Variants in STPG2 observed in about 807,000 individuals in gnomAD.
STPG2 encodes the protein sperm tail PG-rich repeat containing 2, also known as sperm-tail PG-rich repeat-containing protein 2.
STPG2 carries 56 observed loss-of-function variants against 54.2 expected under a neutral mutation model. The observed-to-expected ratio is 1.03, with a 90% CI of 0.83 to 1.29. The LOEUF (loss-of-function observed/expected upper bound fraction) is 1.29, where lower values mean the gene tolerates loss of function less well. Ranked by LOEUF, STPG2 falls within the 50% of genes most tolerant of loss-of-function variation. The pLI is 0.00. For missense variants in STPG2, 596 were observed against 544.9 expected (o/e 1.09, Z -0.93); for synonymous variants, 200 against 181.8 (o/e 1.10, Z -0.81).
chr4:97,879,435 A>C (rs900960842), intron 8 of STPG2, among the ~76,000 whole-genome samples: 1 of 152,100 alleles, frequency 6.6e-6, no homozygotes, highest in Admixed American at 6.5e-5. Flanking sequence ...GGGAGGCCTC[A>C]CAATCATGCT....
intron 4 of STPG2, among the ~76,000 whole-genome samples, chr4:97,541,175 A>T (rs370753164): frequency 3.9e-4 from 59 of 152,282 alleles, no homozygotes; most frequent in Admixed American, 2.4e-3. Flanking sequence ...AGAGGAAGTC[A>T]AATTGTCCCT....
chr4:98,105,388 T>A (rs1395119968), intron 5 of STPG2, among the ~76,000 whole-genome samples: 1 of 152,170 alleles, frequency 6.6e-6, no homozygotes, highest in Non-Finnish European at 1.5e-5. Context: ...AAGGACCCAC[T>A]TGTGTCCTTG....
chr4:97,540,164 C>A (rs1019202098), intron 4 of STPG2, among the ~76,000 whole-genome samples: 5 of 151,972 alleles, frequency 3.3e-5, no homozygotes, highest in African/African-American at 1.2e-4. Flanking sequence ...AAAAACCCTT[C>A]AAAAAATCAA....
intron 3 of STPG2, among the ~76,000 whole-genome samples, chr4:98,115,448 C>CT (rs1029533820): frequency 1.3e-5 from 2 of 151,894 alleles, no homozygotes; most frequent in African/African-American, 4.8e-5. Flanking sequence ...TATAAAATAA[C>CT]TTTTTTGTAG....
chr4:97,461,676 C>T (rs1729667798), intron 4 of STPG2, among the ~76,000 whole-genome samples: 1 of 152,182 alleles, frequency 6.6e-6, no homozygotes, highest in African/African-American at 2.4e-5. Context: ...CTAACAAAAA[C>T]ACTGTAGTTT....
chr4:97,840,565 C>T (rs555716962), intron 9 of STPG2, among the ~76,000 whole-genome samples: 70 of 151,562 alleles, frequency 4.6e-4, no homozygotes, highest in Non-Finnish European at 8.6e-4. Context: ...CAACTTTAAG[C>T]AAAATGATGT....
At chr4:97,506,045 A>AAT (rs1730837342) in intron 4 of STPG2, among the ~76,000 whole-genome samples, 1 of 150,150 alleles carries the variant, frequency 6.7e-6, no homozygotes, top group East Asian at 1.9e-4. Flanking sequence ...AAAAAAAAAA[A>AAT]AGGCTTCAGA....
intron 5 of STPG2, among the ~76,000 whole-genome samples, chr4:98,092,298 A>T (rs1738716756): frequency 6.6e-6 from 1 of 152,074 alleles, no homozygotes; most frequent in South Asian, 2.1e-4. Context: ...AAAAGTGAGC[A>T]ATCAGAATTT....
At chr4:97,574,627 G>C (rs1201969934) in intron 10 of STPG2, among the ~76,000 whole-genome samples, 2 of 152,012 alleles carry the variant, frequency 1.3e-5, no homozygotes, top group Non-Finnish European at 2.9e-5. Flanking sequence ...TTACATCAGA[G>C]AGTAACCGTC....
chr4:97,998,756 T>C (rs1285472512), intron 5 of STPG2, among the ~76,000 whole-genome samples: 2 of 152,156 alleles, frequency 1.3e-5, no homozygotes, highest in Non-Finnish European at 2.9e-5. Context: ...CATGGAGGGC[T>C]CTACTGTTGG....
At chr4:97,843,116 A>G (rs544445760) in intron 8 of STPG2, among the ~76,000 whole-genome samples, 1 of 152,050 alleles carries the variant, frequency 6.6e-6, no homozygotes, top group East Asian at 1.9e-4. Context: ...TACATCATAG[A>G]AAATAAAGAA....
intron 7 of STPG2, among the ~76,000 whole-genome samples, chr4:97,963,296 G>A (rs1333386425): frequency 6.6e-6 from 1 of 150,876 alleles, no homozygotes; most frequent in African/African-American, 2.4e-5. Context: ...TAACATTCAT[G>A]ATGGATTTAA....
At chr4:97,446,508 G>T (rs185822778) in intron 4 of STPG2, among the ~76,000 whole-genome samples, 26 of 152,280 alleles carry the variant, frequency 1.7e-4, no homozygotes, top group African/African-American at 5.5e-4. Context: ...ACTTAGGGAG[G>T]ACAGGTATAC....
intron 4 of STPG2, among the ~76,000 whole-genome samples, chr4:97,486,886 CACACACACACAA>C (rs1730378693): frequency 6.7e-6 from 1 of 149,698 alleles, no homozygotes; most frequent in African/African-American, 2.4e-5. Flanking sequence ...CACACACACA[CACACACACACAA>C]TGGAATACTA....
At chr4:97,810,188 G>A (rs375819110) in intron 9 of STPG2, among the ~76,000 whole-genome samples, 12 of 152,060 alleles carry the variant, frequency 7.9e-5, no homozygotes, top group Admixed American at 2.0e-4. Flanking sequence ...AAAGCAAGCC[G>A]GGCAGGGTGG....
chr4:97,941,196 C>A (rs1393499117), intron 8 of STPG2, among the ~76,000 whole-genome samples: 1 of 151,780 alleles, frequency 6.6e-6, no homozygotes, highest in African/African-American at 2.4e-5. Flanking sequence ...ATTTCTCATC[C>A]CTTTGTGGGT....
chr4:97,827,764 T>C (rs967395285), intron 9 of STPG2, among the ~76,000 whole-genome samples: 2 of 152,186 alleles, frequency 1.3e-5, no homozygotes, highest in African/African-American at 4.8e-5. Flanking sequence ...TGGCACACTT[T>C]CCTTTACGGA....
chr4:97,845,526 A>G (rs1728923385), intron 8 of STPG2, among the ~76,000 whole-genome samples: 1 of 152,196 alleles, frequency 6.6e-6, no homozygotes, highest in South Asian at 2.1e-4. Flanking sequence ...GGAGCTGTGC[A>G]TACAAATTTA....
intron 4 of STPG2, among the ~76,000 whole-genome samples, chr4:97,486,423 A>G (rs1252633436): frequency 6.6e-6 from 1 of 151,918 alleles, no homozygotes; most frequent in Non-Finnish European, 1.5e-5. Flanking sequence ...AAAATGTTCA[A>G]CATCACTAAT....
Sources: allele counts gnomAD v4.1 joint callset (sites outside exome capture counted in the v4.1 genomes callset), GRCh38; gene constraint gnomAD v4.1.1; transcripts MANE v1.5; gene names NCBI Gene and HGNC (gene_info 2026-07-23, HGNC 2026-07-21).